KCNK9: variants seen among roughly 807,000 people sequenced by gnomAD.
The protein encoded by KCNK9 is potassium two pore domain channel subfamily K member 9.
Under a neutral mutation model 10.8 loss-of-function variants are expected in KCNK9, and 1 was observed. That is an observed-to-expected ratio of 0.09 (90% CI 0.03 to 0.44). The LOEUF (loss-of-function observed/expected upper bound fraction) is 0.44, where lower values mean the gene tolerates loss of function less well. KCNK9 is among the 20% of genes least tolerant of loss of function. KCNK9 has a pLI of 0.97. For missense variants in KCNK9, 303 were observed against 515.0 expected (o/e 0.59, Z 3.98); for synonymous variants, 231 against 222.7 (o/e 1.04, Z -0.33).
chr8:139,652,370 C>T (rs1334122146), intron 1 of KCNK9, among the ~76,000 whole-genome samples: 1 of 152,248 alleles, frequency 6.6e-6, no homozygotes, highest in Non-Finnish European at 1.5e-5. Flanking sequence ...TCAGTGCTCA[C>T]TCCTGAGCCC....
In KCNK9 at chr8:139,666,645, C is replaced by T. The variant is rs1370100862; in HGVS notation, c.283+36065G>A. ...AGGCTTCTGAGCCCAGGCTGCGGAG[C>T]CCAGCACTGTGCATACAGCAGGTGC... On this transcript the variant is annotated intron_variant, in intron 1 of 1. Coordinates refer to ENST00000520439, the MANE Select transcript of KCNK9 (RefSeq NM_001282534.2). 5.3e-5 allele frequency among the ~76,000 whole-genome samples: 8 copies of T among 152,362 alleles called. No homozygotes were observed. In the East Asian group the frequency reaches 1.5e-3, roughly 29 times the overall value.
downstream of KCNK9, among the ~76,000 whole-genome samples, chr8:139,610,019 C>A (rs565629867): frequency 6.6e-6 from 1 of 152,058 alleles, no homozygotes; most frequent in Non-Finnish European, 1.5e-5. Context: ...CACCCATGTT[C>A]CCTAGACTTG....
chr8:139,622,762 T>C (rs1386274206), intron 1 of KCNK9, among the ~76,000 whole-genome samples: 1 of 152,228 alleles, frequency 6.6e-6, no homozygotes, highest in Non-Finnish European at 1.5e-5. Context: ...GATAGAACAC[T>C]GCAGGTACTG....
At chr8:139,628,543 G>C (rs535682442) in intron 1 of KCNK9, among the ~76,000 whole-genome samples, 37 of 152,144 alleles carry the variant, frequency 2.4e-4, no homozygotes, top group Non-Finnish European at 4.4e-5. Flanking sequence ...ATTGACCCAC[G>C]CTCCAGGATT....
downstream of KCNK9, among the ~76,000 whole-genome samples, chr8:139,613,429 C>A (rs911316602): frequency 6.6e-6 from 1 of 152,142 alleles, no homozygotes; most frequent in African/African-American, 2.4e-5. Flanking sequence ...CTTTGGGGAG[C>A]CCAGAATGCA....
At chr8:139,656,255 A>T (rs998147574) in intron 1 of KCNK9, among the ~76,000 whole-genome samples, 16 of 152,080 alleles carry the variant, frequency 1.1e-4, no homozygotes, top group African/African-American at 3.4e-4. Flanking sequence ...GGAAGAAAAA[A>T]ATATAAAAAG....
rs766503929 is a variant in KCNK9 at position 139,697,869 on chromosome 8, C to A, written c.283+4841G>T. Among the ~76,000 whole-genome samples the A allele has an allele frequency of 4.6e-5, 7 of 152,128 alleles. No individual in the cohort carries two copies. In the East Asian group the frequency reaches 1.3e-3, roughly 29 times the overall value. On this transcript the variant is annotated intron_variant, in intron 1 of 1. Transcript: ENST00000520439. ...GCTTCCTAGAGGGCCCAGAGCAGAG[C>A]GAGCCCAGGTCCGAGAAGGGTGTGG...
At chr8:139,613,234 T>C (rs1814486684), downstream of KCNK9, among the ~76,000 whole-genome samples, 1 of 152,170 alleles carries the variant, frequency 6.6e-6, no homozygotes, top group African/African-American at 2.4e-5. Context: ...GGCAAAGTAT[T>C]GAGGCTGGGG....
chr8:139,672,781 G>A (rs928216158), intron 1 of KCNK9, among the ~76,000 whole-genome samples: 1 of 152,208 alleles, frequency 6.6e-6, no homozygotes, highest in South Asian at 2.1e-4. Flanking sequence ...TTGAGGAGTG[G>A]AGTGTTTGGG....
intron 1 of KCNK9, among the ~76,000 whole-genome samples, chr8:139,652,559 C>T (rs183907892): frequency 4.9e-4 from 75 of 152,266 alleles, no homozygotes; most frequent in African/African-American, 1.6e-3. Flanking sequence ...GCTCTGGGGG[C>T]GGGGGCCGCC....
chr8:139,691,319 G>C (rs1340493996), intron 1 of KCNK9, among the ~76,000 whole-genome samples: 1 of 152,204 alleles, frequency 6.6e-6, no homozygotes, highest in African/African-American at 2.4e-5. Context: ...ACATGAGCTT[G>C]TCCCAGCTGC....
intron 1 of KCNK9, among the ~76,000 whole-genome samples, chr8:139,701,041 G>T (rs1340401722): frequency 6.6e-6 from 1 of 152,134 alleles, no homozygotes; most frequent in Admixed American, 6.5e-5. Context: ...CTTTCCCCAG[G>T]GGTGGCCAGT....
intron 1 of KCNK9, among the ~76,000 whole-genome samples, chr8:139,627,150 CT>C (rs1400233336): frequency 6.6e-6 from 1 of 152,206 alleles, no homozygotes; most frequent in Non-Finnish European, 1.5e-5. Flanking sequence ...TTAACCTTCC[CT>C]TCTGGCAAGG....
Position 139,702,537 on chromosome 8 carries a change from G to A in KCNK9, c.283+173C>T, listed in dbSNP as rs1336335869. 6.6e-6 allele frequency among the ~76,000 whole-genome samples: 1 copy of A among 152,188 alleles called. No individual in the cohort carries two copies. Among genetic ancestry groups the A allele is most frequent in the Non-Finnish European group, 1.5e-5 (1 of 67,986 alleles). Reference sequence around the variant, plus strand: ...GTGGGGTCCCCGAAGGGTGAGGCTCGGAGGCGCCGCGGAGGGGGGGCTCCC... The same window carrying A: ...GTGGGGTCCCCGAAGGGTGAGGCTCAGAGGCGCCGCGGAGGGGGGGCTCCC... On this transcript the variant is annotated intron_variant, in intron 1 of 1. Coordinates refer to ENST00000520439, the MANE Select transcript of KCNK9 (RefSeq NM_001282534.2). This position sits in a 1 kb window ranked among gnomAD's most constrained non-coding sequence, Gnocchi z 7.5.
chr8:139,629,122 T>A (rs1194776399), intron 1 of KCNK9, among the ~76,000 whole-genome samples: 2 of 152,228 alleles, frequency 1.3e-5, no homozygotes, highest in Admixed American at 1.3e-4. Context: ...AGCGTCTTCA[T>A]CCCCTTTCTA....
chr8:139,612,254 C>T (rs1207206850), downstream of KCNK9: 1 of 152,268 alleles, frequency 6.6e-6, no homozygotes, highest in Admixed American at 6.5e-5. Flanking sequence ...ACAGCAGGGA[C>T]ACTGCGTCAC....
chr8:139,621,172 C>T lies in KCNK9; in HGVS notation c.284-2073G>A, dbSNP rs146629612. On this transcript the variant is annotated intron_variant, in intron 1 of 1. Coordinates refer to ENST00000520439, the MANE Select transcript of KCNK9 (RefSeq NM_001282534.2). ...CAGGTGTGGTGGCACACACCTGTAG[C>T]CCTAACTACACAGGAGGCTGAGGCA... is the stretch of plus-strand genomic sequence containing the variant. Among the ~76,000 whole-genome samples the T allele has an allele frequency of 1.7e-3, 255 of 151,990 alleles. 2 individuals are homozygous for T. Among genetic ancestry groups the T allele is most frequent in the African/African-American group, 5.8e-3 (242 of 41,440 alleles).
At chr8:139,685,392 C>T (rs1382812798) in intron 1 of KCNK9, among the ~76,000 whole-genome samples, 3 of 152,144 alleles carry the variant, frequency 2.0e-5, no homozygotes, top group Admixed American at 2.0e-4. Flanking sequence ...ATCAACTCGT[C>T]GTTTACATTA....
At chr8:139,651,922 C>T (rs1388478397) in intron 1 of KCNK9, among the ~76,000 whole-genome samples, 3 of 152,004 alleles carry the variant, frequency 2.0e-5, no homozygotes, top group African/African-American at 7.2e-5. Flanking sequence ...TGCTGTGGTC[C>T]AAGTCCTAGG....
Sources: allele counts gnomAD v4.1 joint callset (sites outside exome capture counted in the v4.1 genomes callset), GRCh38; gene constraint gnomAD v4.1.1; non-coding constraint Gnocchi (gnomAD v3.1); transcripts MANE v1.5; gene names NCBI Gene and HGNC (gene_info 2026-07-23, HGNC 2026-07-21).